KCNT2: variants seen among roughly 807,000 people sequenced by gnomAD.
KCNT2 encodes potassium channel subfamily T member 2.
In KCNT2, 67 loss-of-function variants were observed where a neutral mutation model predicts 153.8. The observed-to-expected ratio is 0.44, with a 90% CI of 0.36 to 0.53. KCNT2 has a LOEUF of 0.53. Ranked by LOEUF, KCNT2 falls within the 20% of genes least tolerant of loss-of-function variation. The pLI, the probability that KCNT2 is intolerant of heterozygous loss-of-function variation, is 0.00. For synonymous variants in KCNT2, 500 were observed against 458.8 expected (o/e 1.09, Z -1.15); for missense variants, 975 against 1,354.8 (o/e 0.72, Z 4.40).
At chr1:196,465,932 G>C (rs545611807) in intron 7 of KCNT2, among the ~76,000 whole-genome samples, 14 of 151,944 alleles carry the variant, frequency 9.2e-5, no homozygotes, top group Admixed American at 5.3e-4. Context: ...CATTATTTGT[G>C]TACCACTCAT....
chr1:196,562,166 C>T (rs1024465627), intron 1 of KCNT2, among the ~76,000 whole-genome samples: 2 of 151,970 alleles, frequency 1.3e-5, no homozygotes, highest in African/African-American at 2.4e-5. Context: ...CCACAAGAGA[C>T]AGCTTTTCAG....
chr1:196,605,966 C>T, intron 1 of KCNT2, among the ~76,000 whole-genome samples: 1 of 152,268 alleles, frequency 6.6e-6, no homozygotes, highest in East Asian at 1.9e-4. Flanking sequence ...GAAGAGTTAT[C>T]TTTACACTGA....
chr1:196,481,277 G>C (rs1233901139), intron 4 of KCNT2, among the ~76,000 whole-genome samples: 1 of 152,162 alleles, frequency 6.6e-6, no homozygotes, highest in Non-Finnish European at 1.5e-5. Context: ...TGTGGAATGA[G>C]TGTAGAATGA....
intron 1 of KCNT2, among the ~76,000 whole-genome samples, chr1:196,589,906 G>A (rs1663138534): frequency 1.3e-5 from 2 of 152,086 alleles, no homozygotes; most frequent in South Asian, 4.1e-4. Flanking sequence ...TTTAAACAAA[G>A]TGACTCTGAC....
At chr1:196,435,368 C>G (rs1055003656) in intron 8 of KCNT2, among the ~76,000 whole-genome samples, 1 of 150,170 alleles carries the variant, frequency 6.7e-6, no homozygotes, top group African/African-American at 2.4e-5. Flanking sequence ...GCCTTTGTTT[C>G]AGGTAGTAAT....
intron 13 of KCNT2, among the ~76,000 whole-genome samples, chr1:196,398,103 C>G (rs1211241525): frequency 6.6e-6 from 1 of 151,350 alleles, no homozygotes; most frequent in Admixed American, 6.6e-5. Context: ...AGTCTATTCC[C>G]TAAATTAACT....
At chr1:196,382,388 T>C (rs1669587457) in intron 13 of KCNT2, among the ~76,000 whole-genome samples, 1 of 152,086 alleles carries the variant, frequency 6.6e-6, no homozygotes, top group Non-Finnish European at 1.5e-5. Flanking sequence ...ATTACAGACG[T>C]GAGCCACCGC....
At chr1:196,311,680 G>A (rs1571998061) in intron 21 of KCNT2, among the ~76,000 whole-genome samples, 2 of 151,446 alleles carry the variant, frequency 1.3e-5, no homozygotes, top group Non-Finnish European at 3.0e-5. Flanking sequence ...TTTTTCCCCA[G>A]CTCCTAGGTA....
At chr1:196,349,823 C>T (rs966198429) in intron 14 of KCNT2, among the ~76,000 whole-genome samples, 3 of 151,862 alleles carry the variant, frequency 2.0e-5, no homozygotes, top group Non-Finnish European at 4.4e-5. Flanking sequence ...CGTCATTTAG[C>T]ATTAGGTATA....
chr1:196,344,155 T>C (rs1665934675), intron 14 of KCNT2, among the ~76,000 whole-genome samples: 1 of 152,162 alleles, frequency 6.6e-6, no homozygotes, highest in Non-Finnish European at 1.5e-5. Context: ...AGTATCAGCT[T>C]CATTGGGTTA....
chr1:196,266,057 A>G (rs576998447), intron 25 of KCNT2, among the ~76,000 whole-genome samples: 1 of 152,298 alleles, frequency 6.6e-6, no homozygotes, highest in South Asian at 2.1e-4. Flanking sequence ...GAAGCAGAAA[A>G]CTGGATACAC....
intron 14 of KCNT2, among the ~76,000 whole-genome samples, chr1:196,372,062 T>A (rs566445595): frequency 1.3e-5 from 2 of 152,060 alleles, no homozygotes; most frequent in Non-Finnish European, 2.9e-5. Flanking sequence ...AAGATAAACG[T>A]CATTCCTAAT....
chr1:196,539,195 T>A (rs1656007629), intron 1 of KCNT2, among the ~76,000 whole-genome samples: 1 of 152,198 alleles, frequency 6.6e-6, no homozygotes, highest in African/African-American at 2.4e-5. Context: ...TTTACTTAAA[T>A]TTACATAAGA....
intron 1 of KCNT2, among the ~76,000 whole-genome samples, chr1:196,593,074 C>T (rs1663579857): frequency 6.6e-6 from 1 of 150,376 alleles, no homozygotes; most frequent in Non-Finnish European, 1.5e-5. Context: ...TCCCTTACCC[C>T]CTCCCACCCT....
At chr1:196,462,836 A>G (rs1677270747) in intron 8 of KCNT2, among the ~76,000 whole-genome samples, 1 of 151,632 alleles carries the variant, frequency 6.6e-6, no homozygotes, top group African/African-American at 2.4e-5. Flanking sequence ...TTTTTATTCC[A>G]GTCTCCAGTT....
chr1:196,309,384 G>C (rs1661942153), intron 21 of KCNT2, among the ~76,000 whole-genome samples: 2 of 151,870 alleles, frequency 1.3e-5, no homozygotes, highest in Admixed American at 1.3e-4. Context: ...CATATATGTA[G>C]CTAGAAGTAT....
intron 13 of KCNT2, among the ~76,000 whole-genome samples, chr1:196,390,175 T>C (rs750098446): frequency 1.3e-5 from 2 of 151,618 alleles, no homozygotes; most frequent in Admixed American, 1.3e-4. Context: ...GGCATATTTT[T>C]TTATTTTACT....
chr1:196,433,512 T>A (rs1674343875), intron 8 of KCNT2, among the ~76,000 whole-genome samples: 2 of 152,102 alleles, frequency 1.3e-5, no homozygotes, highest in African/African-American at 2.4e-5. Context: ...TGATGGTATA[T>A]ATCTCTTTAT....
chr1:196,378,127 C>T (rs12135314), intron 13 of KCNT2, among the ~76,000 whole-genome samples: 3,612 of 152,112 alleles, frequency 0.024, 141 homozygotes, highest in African/African-American at 0.08. Context: ...GGAATTACTC[C>T]GTAAAGAGAA....
Sources: allele counts gnomAD v4.1 joint callset (sites outside exome capture counted in the v4.1 genomes callset), GRCh38; gene constraint gnomAD v4.1.1; transcripts MANE v1.5; gene names NCBI Gene and HGNC (gene_info 2026-07-23, HGNC 2026-07-21).